RTN1: variants seen among roughly 807,000 people sequenced by gnomAD.
RTN1 encodes the protein reticulon-1.
RTN1 carries 25 observed loss-of-function variants against 65.5 expected under a neutral mutation model. The ratio of observed to expected loss-of-function variants is 0.38; its 90% confidence interval spans 0.28 to 0.53. The LOEUF is 0.53. Among genes scored for constraint, RTN1 ranks in the 20% least tolerant of loss-of-function variants. The pLI is 0.79. For missense variants in RTN1, 983 were observed against 1,025.4 expected, an observed-to-expected ratio of 0.96 and a Z score of 0.57; for synonymous variants, 471 against 447.6, an observed-to-expected ratio of 1.05 and a Z score of -0.66.
At chr14:59,724,074 A>G (rs1288667325) in intron 3 of RTN1, among the ~76,000 whole-genome samples, 2 of 152,236 alleles carry the variant, frequency 1.3e-5, no homozygotes. Flanking sequence ...AGGAAAACAT[A>G]TCTACCTGCT....
chr14:59,745,524 T>A (rs1175988308), intron 2 of RTN1, among the ~76,000 whole-genome samples, 184 bp downstream of exon 2: 1 of 152,150 alleles, frequency 6.6e-6, no homozygotes, highest in Non-Finnish European at 1.5e-5. Context: ...ATTGCAACCT[T>A]TGTACAATCA....
chr14:59,830,107 C>A (rs1887099829), intron 1 of RTN1, among the ~76,000 whole-genome samples: 1 of 152,204 alleles, frequency 6.6e-6, no homozygotes, highest in African/African-American at 2.4e-5. Flanking sequence ...GTGGCCTTCT[C>A]CCCATTGTTT....
intron 1 of RTN1, among the ~76,000 whole-genome samples, chr14:59,767,846 C>A (rs1388618273): frequency 1.3e-5 from 2 of 152,204 alleles, no homozygotes; most frequent in Admixed American, 1.3e-4. Context: ...TATACACTTG[C>A]ATAACAGCCC....
intron 1 of RTN1, among the ~76,000 whole-genome samples, chr14:59,782,268 T>TA (rs1261012009): frequency 6.6e-6 from 1 of 152,150 alleles, no homozygotes; most frequent in Non-Finnish European, 1.5e-5. Context: ...AGACATAGGA[T>TA]AGAAGAGTAC....
chr14:59,698,489 T>C (rs1029627791), intron 3 of RTN1, among the ~76,000 whole-genome samples: 20 of 152,212 alleles, frequency 1.3e-4, no homozygotes, highest in Admixed American at 1.0e-3. Flanking sequence ...GGGAGGGACA[T>C]GGTGGGAGGT....
In RTN1 at chr14:59,600,923, T is replaced by C. The variant is rs543711812; in HGVS notation, c.2288+2142A>G. ...CAGGCCATGCCCTTGTCACTTTTAT[T>C]TGAATTATGATAACCTCCTAGCTGA... is the stretch of plus-strand genomic sequence containing the variant. On this transcript the variant is annotated intron_variant, in intron 8 of 8. Coordinates refer to ENST00000267484, the MANE Select transcript of RTN1 (RefSeq NM_021136.3). Among the ~76,000 whole-genome samples the C allele has an allele frequency of 4.6e-5, 7 of 152,324 alleles. No individual in the cohort carries two copies. The South Asian group carries it at 1.4e-3, about 32-fold the overall frequency.
At chr14:59,725,110 T>G (rs190228729) in intron 3 of RTN1, among the ~76,000 whole-genome samples, 142 of 152,270 alleles carry the variant, frequency 9.3e-4, no homozygotes, top group African/African-American at 3.1e-3. Context: ...TGACACAAAA[T>G]TGGCCATAAA....
chr14:59,779,255 C>A (rs1376758176), intron 1 of RTN1, among the ~76,000 whole-genome samples: 3 of 151,980 alleles, frequency 2.0e-5, no homozygotes, highest in Non-Finnish European at 4.4e-5. Flanking sequence ...GAGTTTAGGG[C>A]AAGGCCAACT....
chr14:59,862,706 T>G (rs1446205549), intron 1 of RTN1, among the ~76,000 whole-genome samples: 1 of 152,186 alleles, frequency 6.6e-6, no homozygotes, highest in African/African-American at 2.4e-5. Context: ...CAACTAACCC[T>G]GCACTCTAAA....
At chr14:59,845,869 T>G (rs1490196683) in intron 1 of RTN1, among the ~76,000 whole-genome samples, 1 of 152,006 alleles carries the variant, frequency 6.6e-6, no homozygotes. Context: ...AGAAGCTATT[T>G]AGGCAGCTGC....
chr14:59,630,711 G>T (rs1882529301), intron 3 of RTN1: 1 of 1,132,284 alleles, frequency 8.8e-7, no homozygotes, highest in Admixed American at 5.0e-5. Flanking sequence ...GCGCGGCGCG[G>T]CCCCGGAGCC....
intron 3 of RTN1, among the ~76,000 whole-genome samples, chr14:59,651,430 A>T (rs1883017970): frequency 6.6e-6 from 1 of 151,630 alleles, no homozygotes; most frequent in South Asian, 2.1e-4. Flanking sequence ...AAACTATAAA[A>T]ACCCTGGAAG....
intron 3 of RTN1, among the ~76,000 whole-genome samples, chr14:59,621,647 GAAT>G (rs1384193135): frequency 1.3e-5 from 2 of 152,172 alleles, no homozygotes; most frequent in Admixed American, 1.3e-4. Context: ...AACAAAAGAA[GAAT>G]AAGAGAAGTG....
chr14:59,608,277 T>C (rs1026803979), intron 3 of RTN1, among the ~76,000 whole-genome samples: 1 of 152,358 alleles, frequency 6.6e-6, no homozygotes, highest in Middle Eastern at 3.4e-3. Context: ...AGAAATAAGA[T>C]GCAAAATTCC....
chr14:59,745,428 A>T (rs1383436000), intron 2 of RTN1, among the ~76,000 whole-genome samples: 1 of 152,152 alleles, frequency 6.6e-6, no homozygotes, highest in Non-Finnish European at 1.5e-5. Flanking sequence ...TAATGTTTCC[A>T]GTATGTCATT....
intron 1 of RTN1, among the ~76,000 whole-genome samples, chr14:59,764,637 T>C (rs1672017059): frequency 6.6e-6 from 1 of 152,104 alleles, no homozygotes; most frequent in Admixed American, 6.6e-5. Context: ...ATTTTAAAAA[T>C]TGCAAATAAT....
At chr14:59,795,995 A>G (rs1886432332) in intron 1 of RTN1, among the ~76,000 whole-genome samples, 2 of 152,204 alleles carry the variant, frequency 1.3e-5, no homozygotes, top group South Asian at 2.1e-4. Context: ...CATGGGAGGT[A>G]CTAGGGAAGA....
intron 1 of RTN1, among the ~76,000 whole-genome samples, chr14:59,814,690 T>C (rs1041323737): frequency 6.6e-6 from 1 of 152,224 alleles, no homozygotes; most frequent in African/African-American, 2.4e-5. Context: ...ATGCTGAAAG[T>C]TAATCTTCAA....
rs180677295 is a variant in RTN1 at position 59,824,777 on chromosome 14, T to C, written c.241+45613A>G. 3.2e-4 allele frequency among the ~76,000 whole-genome samples: 48 copies of C among 152,370 alleles called. No individual in the cohort carries two copies. In the East Asian group the frequency reaches 5.8e-3, roughly 18 times the overall value. ...CTACAATGCATTTTACTTTTTAATA[T>C]CTTATTTGCCAACTAAGAAATCTAG... On this transcript the variant is annotated intron_variant, in intron 1 of 8. Coordinates refer to ENST00000267484, the MANE Select transcript of RTN1 (RefSeq NM_021136.3).
Sources: gnomAD v4.1 joint callset for allele counts (sites outside exome capture counted in the v4.1 genomes callset) on GRCh38, gnomAD v4.1.1 for gene constraint, MANE v1.5 for transcripts, NCBI Gene and HGNC (gene_info 2026-07-23, HGNC 2026-07-21) for gene names.